RAB40C: variants seen among roughly 807,000 people sequenced by gnomAD.
RAB40C encodes RAB40C, member RAS oncogene family, also known as ras-related protein Rab-40C.
RAB40C carries 8 observed loss-of-function variants against 28.1 expected under a neutral mutation model. The ratio of observed to expected loss-of-function variants is 0.28; its 90% CI spans 0.17 to 0.51. RAB40C has a LOEUF of 0.51. Ranked by LOEUF, RAB40C falls within the 20% of genes least tolerant of loss-of-function variation. The pLI is 0.97. For synonymous variants in RAB40C, 201 were observed against 171.7 expected (o/e 1.17, Z -1.34); for missense variants, 288 against 405.9 (o/e 0.71, Z 2.50).
intron 1 of RAB40C, among the ~76,000 whole-genome samples, chr16:595,792 G>A (rs755729904): frequency 4.6e-5 from 7 of 151,974 alleles, no homozygotes; most frequent in Non-Finnish European, 8.8e-5. Context: ...TAGTAGAGAT[G>A]GGGTTTCACT....
intron 1 of RAB40C, among the ~76,000 whole-genome samples, chr16:596,963 G>T (rs1282740696): frequency 3.3e-5 from 5 of 152,224 alleles, no homozygotes; most frequent in African/African-American, 1.2e-4. Context: ...GTAAAGCAGA[G>T]ATTTCTGGAC....
At position 610,831 on chromosome 16, in the gene RAB40C, C is replaced by T. The variant is rs980281348; in HGVS notation, c.143-6377C>T. The stretch of plus-strand genomic sequence containing the variant: ...GGGCCCCCTCCCCAGGATCCTGACA[C>T]CTGTCCCTCTGAGAGTCCAGACCTT... On this transcript the variant is annotated intron_variant, in intron 1 of 5. Coordinates refer to ENST00000248139, the MANE Select transcript of RAB40C (RefSeq NM_021168.5). This position sits in a 1 kb window ranked among gnomAD's most constrained non-coding sequence, Gnocchi z 4.6. 6.6e-5 allele frequency among the ~76,000 whole-genome samples: 10 copies of T among 152,012 alleles called. No homozygotes were observed. The highest frequency in any genetic ancestry group is 2.2e-4 in the African/African-American group (9 of 41,392).
At position 624,076 on chromosome 16, in the gene RAB40C, G is replaced by A. The variant is rs533614882; in HGVS notation, c.265-1356G>A. On this transcript the variant is annotated intron_variant, in intron 3 of 5. Transcript: ENST00000248139. ...CATCTGCACGGTACATTTCACTGCC[G>A]CTTACTCAGCTGTCCCCTGAGGCTG... The A allele has an allele frequency of 1.1e-4, 108 of 985,412 alleles. No homozygotes were observed. The East Asian group carries it at 2.6e-3, about 24-fold the overall frequency. 61.0% of individuals were successfully genotyped at this position (985,412 alleles called of 1,614,324 possible). A position where few individuals can be genotyped will look rare whatever the true frequency, so the allele number is the denominator to read the frequency against.
intron 1 of RAB40C, among the ~76,000 whole-genome samples, chr16:605,916 A>C (rs2036352232): frequency 6.6e-6 from 1 of 152,216 alleles, no homozygotes; most frequent in Admixed American, 6.5e-5. Flanking sequence ...GTTTGTTCTA[A>C]GTCCTGCCTT....
intron 3 of RAB40C, among the ~76,000 whole-genome samples, chr16:621,560 G>A (rs938615995): frequency 2.0e-5 from 3 of 152,268 alleles, no homozygotes; most frequent in African/African-American, 4.8e-5. Flanking sequence ...ACGTGCCGCC[G>A]AAGGCCGGGC....
chr16:625,442 T>C lies in RAB40C; in HGVS notation c.275T>C (p.Leu92Ser). ...AAGTCTCTGTTGCAGGGGATCCTCT[T>C]GGTGTATGACATCACCAACCGCTGG... ...SYSRGAQGIL[L>S]VYDITNRWSF... Residue 92 changes from leucine to serine, a missense_variant, in exon 4 of 6, where the codon TTG becomes TCG. Coordinates refer to ENST00000248139, the MANE Select transcript of RAB40C (RefSeq NM_021168.5). The C allele has an allele frequency of 6.2e-7, 1 of 1,613,454 alleles. No individual in the cohort carries two copies. The highest frequency in any genetic ancestry group is 1.3e-5 in the African/African-American group (1 of 75,068).
intron 1 of RAB40C, among the ~76,000 whole-genome samples, chr16:597,106 G>T (rs993769896): frequency 1.3e-5 from 2 of 152,286 alleles, no homozygotes; most frequent in South Asian, 4.1e-4. Flanking sequence ...GTAGCAGGGG[G>T]AGGTGGTCCA....
At position 621,268 on chromosome 16, in the gene RAB40C, C is replaced by T. The variant is rs1036905767; in HGVS notation, c.264+3008C>T. On this transcript the variant is annotated intron_variant, in intron 3 of 5. Coordinates refer to ENST00000248139, the MANE Select transcript of RAB40C (RefSeq NM_021168.5). ...CAGCCCTGTCCTGTGTCTCTCCTGC[C>T]TGGTGAGCAGCGGTGAGGTGCGGGT... is the stretch of plus-strand genomic sequence containing the variant. Among the ~76,000 whole-genome samples, 4 of 152,248 alleles carry T rather than the reference C, an allele frequency of 2.6e-5. No homozygotes were observed. In the East Asian group the frequency reaches 5.8e-4, roughly 22 times the overall value.
chr16:605,563 T>C (rs2036343221), intron 1 of RAB40C, among the ~76,000 whole-genome samples: 1 of 152,144 alleles, frequency 6.6e-6, no homozygotes, highest in Non-Finnish European at 1.5e-5. Context: ...CAGGGCAAAC[T>C]CTCCTGTGTC....
intron 1 of RAB40C, among the ~76,000 whole-genome samples, chr16:601,780 G>A (rs1237643499): frequency 7.6e-6 from 1 of 132,378 alleles, no homozygotes; most frequent in Non-Finnish European, 1.5e-5. Context: ...TTCAGACTAG[G>A]CAACGTAGCA....
At chr16:600,286 G>A (rs2036221663) in intron 1 of RAB40C, among the ~76,000 whole-genome samples, 2 of 152,346 alleles carry the variant, frequency 1.3e-5, no homozygotes, top group South Asian at 4.1e-4. Flanking sequence ...TGTCCTCCTG[G>A]TGGGGAGGGA....
At chr16:611,993 G>A (rs1370397379) in intron 1 of RAB40C, among the ~76,000 whole-genome samples, 1 of 52,248 alleles carries the variant, frequency 1.9e-5, no homozygotes, top group Non-Finnish European at 3.4e-5. Flanking sequence ...GCCCTGGCCT[G>A]TAGAATCAAG....
intron 3 of RAB40C, among the ~76,000 whole-genome samples, chr16:622,365 C>T (rs918612857): frequency 5.9e-5 from 9 of 152,224 alleles, no homozygotes; most frequent in Admixed American, 3.3e-4. Context: ...GTGCCTCCAC[C>T]CCCTTGACCC....
chr16:618,655 T>C (rs2036641796), intron 3 of RAB40C, among the ~76,000 whole-genome samples: 1 of 144,766 alleles, frequency 6.9e-6, no homozygotes, highest in East Asian at 2.1e-4. Flanking sequence ...GTGCAGTGTG[T>C]GCGCAGGTGT....
chr16:604,878 G>A (rs1221148569), intron 1 of RAB40C, among the ~76,000 whole-genome samples: 1 of 152,144 alleles, frequency 6.6e-6, no homozygotes, highest in Non-Finnish European at 1.5e-5. Context: ...TGGCCAACAT[G>A]GTGAAACCGT....
At chr16:608,271 G>C (rs11248941) in intron 1 of RAB40C, among the ~76,000 whole-genome samples, 1 of 152,022 alleles carries the variant, frequency 6.6e-6, no homozygotes, top group African/African-American at 2.4e-5. Flanking sequence ...TCACTCACCC[G>C]CACAAAAACA....
chr16:622,758 C>G (rs1397276051), intron 3 of RAB40C, among the ~76,000 whole-genome samples: 1 of 152,254 alleles, frequency 6.6e-6, no homozygotes, highest in Admixed American at 6.5e-5. Flanking sequence ...CCTGCCTCGG[C>G]CTCCCAAAGT....
chr16:624,431 G>C, intron 3 of RAB40C: 1 of 985,478 alleles, frequency 1.0e-6, no homozygotes, highest in Non-Finnish European at 1.2e-6. Context: ...AGCGAGAGGT[G>C]TCCTTCCTGA....
At chr16:596,561 T>A (rs2036129556) in intron 1 of RAB40C, 4 of 331,898 alleles carry the variant, frequency 1.2e-5, no homozygotes, top group South Asian at 9.0e-5. Flanking sequence ...TCCAGCATCC[T>A]GGTGCGGAGA....
Sources: allele counts gnomAD v4.1 joint callset (sites outside exome capture counted in the v4.1 genomes callset), GRCh38; gene constraint gnomAD v4.1.1; non-coding constraint Gnocchi (gnomAD v3.1); transcripts MANE v1.5; gene names NCBI Gene and HGNC (gene_info 2026-07-23, HGNC 2026-07-21).